The following CDH20 variants were observed in gnomAD, a reference collection of about 807,000 sequenced individuals.
CDH20 encodes cadherin 20, also known as cadherin-20.
A neutral mutation model predicts 74.2 loss-of-function variants in CDH20; 29 were observed. That is an observed-to-expected ratio of 0.39 (90% CI 0.29 to 0.53). CDH20 has a LOEUF of 0.53. Among genes scored for constraint, CDH20 ranks in the 20% least tolerant of loss-of-function variants. The pLI, the probability that CDH20 is intolerant of heterozygous loss-of-function variation, is 0.69. For missense variants in CDH20, 988 were observed against 1,048.3 expected, an observed-to-expected ratio of 0.94 and a Z score of 0.79; for synonymous variants, 469 against 405.4, an observed-to-expected ratio of 1.16 and a Z score of -1.88.
chr18:61,548,319 A>T (rs1913322046), intron 10 of CDH20, among the ~76,000 whole-genome samples: 1 of 152,222 alleles, frequency 6.6e-6, no homozygotes, highest in Non-Finnish European at 1.5e-5. Flanking sequence ...CATGTTTTGG[A>T]GCCAGAGAGA....
At chr18:61,444,663 A>G (rs1320715737) in intron 1 of CDH20, among the ~76,000 whole-genome samples, 2 of 152,198 alleles carry the variant, frequency 1.3e-5, no homozygotes, top group Admixed American at 6.5e-5. Flanking sequence ...GCAAGTCTAC[A>G]TGGGTGGCTG....
At chr18:61,396,339 A>C (rs1264038897) in intron 1 of CDH20, among the ~76,000 whole-genome samples, 1 of 152,204 alleles carries the variant, frequency 6.6e-6, no homozygotes, top group African/African-American at 2.4e-5. Flanking sequence ...TTTGGAAATC[A>C]ATAATTTAAT....
At chr18:61,428,580 C>G (rs553910110) in intron 1 of CDH20, among the ~76,000 whole-genome samples, 1 of 152,174 alleles carries the variant, frequency 6.6e-6, no homozygotes, top group Non-Finnish European at 1.5e-5. Context: ...AACACTGACA[C>G]CTTGCATCTC....
intron 1 of CDH20, among the ~76,000 whole-genome samples, chr18:61,414,278 T>C (rs1912612765): frequency 6.6e-6 from 1 of 152,020 alleles, no homozygotes; most frequent in African/African-American, 2.4e-5. Flanking sequence ...AATTATAAGA[T>C]CTCAGAGTCT....
At chr18:61,516,753 T>C (rs1447930242) in intron 6 of CDH20, among the ~76,000 whole-genome samples, 3 of 152,324 alleles carry the variant, frequency 2.0e-5, no homozygotes, top group Non-Finnish European at 4.4e-5. Context: ...TGTTAAGAGC[T>C]GAGCAGAGTG....
intron 1 of CDH20, among the ~76,000 whole-genome samples, chr18:61,367,173 T>C (rs1910890323): frequency 6.6e-6 from 1 of 152,088 alleles, no homozygotes; most frequent in South Asian, 2.1e-4. Flanking sequence ...TGCCAATTCT[T>C]AAGAAAGTAA....
intron 1 of CDH20, among the ~76,000 whole-genome samples, chr18:61,439,214 C>CCT (rs1171396470): frequency 6.6e-6 from 1 of 151,950 alleles, no homozygotes; most frequent in Non-Finnish European, 1.5e-5. Context: ...GCAATATATC[C>CCT]CTGTAAGAAA....
intron 4 of CDH20, among the ~76,000 whole-genome samples, chr18:61,502,312 G>A (rs1248688121): frequency 6.6e-6 from 1 of 151,942 alleles, no homozygotes; most frequent in Admixed American, 6.6e-5. Flanking sequence ...TCTTATGCAT[G>A]GTAAAAATAA....
intron 11 of CDH20, 131 bp downstream of exon 11, chr18:61,550,360 G>C: frequency 8.9e-7 from 1 of 1,117,750 alleles, no homozygotes; most frequent in Non-Finnish European, 1.3e-6. Flanking sequence ...GTGGTAGAGT[G>C]AGGCTGCACA....
chr18:61,469,737 T>A (rs1011200484), intron 1 of CDH20, among the ~76,000 whole-genome samples: 3 of 152,254 alleles, frequency 2.0e-5, no homozygotes, highest in African/African-American at 4.8e-5. Flanking sequence ...CATGTTTGCA[T>A]TTACATTTAT....
intron 10 of CDH20, among the ~76,000 whole-genome samples, chr18:61,547,168 AT>A (rs539134112): frequency 6.6e-6 from 1 of 151,874 alleles, no homozygotes; most frequent in Middle Eastern, 3.4e-3. Flanking sequence ...ATCCCTAACA[AT>A]TTTTTTTAAG....
chr18:61,372,172 G>C (rs8083053), intron 1 of CDH20, among the ~76,000 whole-genome samples: 11,033 of 151,882 alleles, frequency 0.073, 480 homozygotes, highest in Non-Finnish European at 0.1. Flanking sequence ...TGAAATAATG[G>C]GTACTATACT....
intron 1 of CDH20, among the ~76,000 whole-genome samples, chr18:61,461,782 C>T (rs1909785765): frequency 6.6e-6 from 1 of 152,132 alleles, no homozygotes; most frequent in East Asian, 1.9e-4. Context: ...TCCAAATATC[C>T]TCTAGAGGTT....
At chr18:61,461,325 A>G (rs968779937) in intron 1 of CDH20, among the ~76,000 whole-genome samples, 10 of 108,024 alleles carry the variant, frequency 9.3e-5, no homozygotes, top group Admixed American at 8.7e-4. Context: ...AAGCTGGGTG[A>G]CTTAAAAAAA....
At position 61,555,223 on chromosome 18, in the gene CDH20, A is replaced by C; in HGVS notation, c.*528A>C. The C allele has an allele frequency of 2.1e-6, 2 of 951,162 alleles. No individual in the cohort carries two copies. The highest frequency in any genetic ancestry group is 2.4e-6 in the Non-Finnish European group (2 of 824,486). The allele number at this position is 951,162 out of a possible 1,614,324, so 58.9% of individuals were successfully genotyped here. A position where few individuals can be genotyped will look rare whatever the true frequency, so the allele number is the denominator to read the frequency against. Reference sequence around the variant, plus strand: ...ACCTACTTGTTCTGGGATGGATGGAATTTCCCGTAACCCTTTTGAGACAAG... The same window carrying C: ...ACCTACTTGTTCTGGGATGGATGGACTTTCCCGTAACCCTTTTGAGACAAG... On this transcript the variant is annotated 3_prime_UTR_variant, in exon 12 of 12. Coordinates refer to ENST00000262717, the MANE Select transcript of CDH20 (RefSeq NM_031891.4).
intron 10 of CDH20, among the ~76,000 whole-genome samples, chr18:61,545,908 T>C (rs1260729729): frequency 6.6e-6 from 1 of 152,174 alleles, no homozygotes; most frequent in African/African-American, 2.4e-5. Context: ...AGGCCCCTTT[T>C]TTCCAACAAG....
intron 1 of CDH20, among the ~76,000 whole-genome samples, chr18:61,350,902 C>T (rs1318649785): frequency 6.6e-6 from 1 of 152,146 alleles, no homozygotes; most frequent in African/African-American, 2.4e-5. Context: ...TTGGCCAGAA[C>T]CCTGCCTCAA....
intron 1 of CDH20, among the ~76,000 whole-genome samples, chr18:61,376,724 G>A (rs1476704529): frequency 6.6e-6 from 1 of 152,144 alleles, no homozygotes. Context: ...AATAAGTTTA[G>A]CATGTGTGTG....
Position 61,555,249 on chromosome 18 carries a change from G to T in CDH20, c.*554G>T. ...TTTCCCGTAACCCTTTTGAGACAAG[G>T]TTAAGACTGAATCAGCCTTGCATGG... On this transcript the variant is annotated 3_prime_UTR_variant, in exon 12 of 12. Coordinates refer to ENST00000262717, the MANE Select transcript of CDH20 (RefSeq NM_031891.4). The T allele has an allele frequency of 1.1e-6, 1 of 869,966 alleles. No homozygotes were observed. The allele number at this position is 869,966 out of a possible 1,614,324, so 53.9% of individuals were successfully genotyped here.
Sources: allele counts gnomAD v4.1 joint callset (sites outside exome capture counted in the v4.1 genomes callset), GRCh38; gene constraint gnomAD v4.1.1; transcripts MANE v1.5; gene names NCBI Gene and HGNC (gene_info 2026-07-23, HGNC 2026-07-21).